The following XRCC5 variants were observed in gnomAD, a reference collection of about 807,000 sequenced individuals.
The protein encoded by XRCC5 is DNA repair protein Ku80.
In XRCC5, 12 loss-of-function variants were observed where a neutral mutation model predicts 95.7. The observed-to-expected ratio is 0.13, with a 90% CI of 0.08 to 0.20. The LOEUF is 0.20. Among genes scored for constraint, XRCC5 ranks in the 10% least tolerant of loss-of-function variants. XRCC5 has a pLI of 1.00. For missense variants in XRCC5, 595 were observed against 873.9 expected, an observed-to-expected ratio of 0.68 and a Z score of 4.02; for synonymous variants, 281 against 290.3, an observed-to-expected ratio of 0.97 and a Z score of 0.33.
At chr2:216,174,198 G>T (rs1444979985) in intron 16 of XRCC5, among the ~76,000 whole-genome samples, 1 of 151,984 alleles carries the variant, frequency 6.6e-6, no homozygotes, top group Non-Finnish European at 1.5e-5. Context: ...TCATTTGAAG[G>T]TCACCTTAAT....
chr2:216,148,761 AT>A (rs778515800), intron 14 of XRCC5, among the ~76,000 whole-genome samples: 13 of 152,140 alleles, frequency 8.5e-5, no homozygotes, highest in Non-Finnish European at 1.6e-4. Context: ...TCAGTGATGT[AT>A]TTGGTTGTGC....
chr2:216,165,677 G>C lies in XRCC5; in HGVS notation c.1834+3629G>C, dbSNP rs1164755014. On this transcript the variant is annotated intron_variant, in intron 16 of 20. Transcript: ENST00000392132. The stretch of plus-strand genomic sequence containing the variant: ...TAGAGAGATTTCTGTCCAGAGTCGG[G>C]AGACAGGAATCCCTTCCCCTTTTCT... 2.6e-5 allele frequency among the ~76,000 whole-genome samples: 4 copies of C among 152,244 alleles called. No individual in the cohort carries two copies. In the South Asian group the frequency reaches 8.3e-4, roughly 32 times the overall value.
At chr2:216,117,827 A>G (rs774451307) in intron 4 of XRCC5, 33 bp downstream of exon 4, 1 of 1,610,406 alleles carries the variant, frequency 6.2e-7, no homozygotes, top group Non-Finnish European at 8.5e-7. Flanking sequence ...CTGGAAGAGA[A>G]TCTTTTTGCA....
At chr2:216,188,170 C>A (rs1030183017) in intron 16 of XRCC5, among the ~76,000 whole-genome samples, 1 of 152,124 alleles carries the variant, frequency 6.6e-6, no homozygotes, top group African/African-American at 2.4e-5. Flanking sequence ...AATTGTGTTT[C>A]CTGCTGTGTA....
chr2:216,134,452 G>T (rs1697040751), intron 10 of XRCC5, among the ~76,000 whole-genome samples: 1 of 147,700 alleles, frequency 6.8e-6, no homozygotes, highest in South Asian at 2.2e-4. Context: ...TTGAGACGGA[G>T]TTTGGCTTTT....
At chr2:216,201,618 C>T (rs2106054635) in intron 19 of XRCC5, among the ~76,000 whole-genome samples, 1 of 152,320 alleles carries the variant, frequency 6.6e-6, no homozygotes. Context: ...AGGAATATGT[C>T]ACTCACACAC....
In XRCC5 at chr2:216,137,098, T is replaced by G. The variant is rs769926488; in HGVS notation, c.1124T>G (p.Val375Gly). 2.1e-5 allele frequency: 34 copies of G among 1,613,290 alleles called. No individual in the cohort carries two copies. In the Admixed American group the frequency reaches 5.5e-4, roughly 26 times the overall value. Residue 375 changes from valine to glycine, a missense_variant, in exon 11 of 21, where the codon GTT becomes GGT. Around this residue, in one of 2 missense-constraint regions of XRCC5, gnomAD observed 286 missense variants for 491.1 expected, o/e 0.58. Coordinates refer to ENST00000392132, the MANE Select transcript of XRCC5 (RefSeq NM_021141.4). ...FAARDDEAAA[V>G]ALSSLIHALD... Reference sequence around the variant, plus strand: ...CATCTTTCTTACCAGGCAGCTGCAGTTGCACTTTCCTCCCTGATTCATGCT... The same window carrying G: ...CATCTTTCTTACCAGGCAGCTGCAGGTGCACTTTCCTCCCTGATTCATGCT...
chr2:216,179,251 T>A (rs551035775), intron 16 of XRCC5, among the ~76,000 whole-genome samples: 1 of 152,366 alleles, frequency 6.6e-6, no homozygotes, highest in African/African-American at 2.4e-5. Context: ...TCCTTCTCTC[T>A]TAACAGGGGA....
At chr2:216,164,854 G>A (rs760110560) in intron 16 of XRCC5, among the ~76,000 whole-genome samples, 2 of 152,192 alleles carry the variant, frequency 1.3e-5, no homozygotes, top group Non-Finnish European at 2.9e-5. Context: ...TTCATGCAGA[G>A]CAGAGAAAGC....
intron 1 of XRCC5, among the ~76,000 whole-genome samples, chr2:216,111,804 C>G (rs1696595695): frequency 6.6e-6 from 1 of 152,094 alleles, no homozygotes; most frequent in Non-Finnish European, 1.5e-5. Flanking sequence ...TCATCTAGTC[C>G]AACAGTTTCC....
chr2:216,196,490 G>A (rs1348668695), intron 19 of XRCC5, among the ~76,000 whole-genome samples: 1 of 152,194 alleles, frequency 6.6e-6, no homozygotes, highest in Non-Finnish European at 1.5e-5. Flanking sequence ...AGAACCAAGA[G>A]AACGTACATG....
At chr2:216,168,096 T>G (rs1469704490) in intron 16 of XRCC5, among the ~76,000 whole-genome samples, 2 of 152,226 alleles carry the variant, frequency 1.3e-5, no homozygotes, top group Non-Finnish European at 2.9e-5. Flanking sequence ...TCAGTGTGTT[T>G]GGAATTGTAG....
intron 16 of XRCC5, chr2:216,175,581 A>G (rs1689256588): frequency 5.1e-6 from 2 of 394,732 alleles, no homozygotes; most frequent in Non-Finnish European, 9.7e-6. Context: ...GTATGGTTTC[A>G]GTCTTGCTAT....
At chr2:216,187,849 TCTCTCTC>T (rs1559261318) in intron 16 of XRCC5, among the ~76,000 whole-genome samples, 1 of 136,390 alleles carries the variant, frequency 7.3e-6, no homozygotes, top group Non-Finnish European at 1.5e-5. Context: ...TCTCTCTCTC[TCTCTCTC>T]TCTCTCCCCG....
rs1805382 is a variant in XRCC5, at chr2:216,130,868, T to C, written c.938-7T>C. On this transcript the variant is annotated splice_polypyrimidine_tract_variant and splice_region_variant and intron_variant, in intron 8 of 20. Transcript: ENST00000392132. ...TGCTTAACAGATGCTCTTCTCTTTT[T>C]CTCCAGGGTTCCGCTATGGAAGTGA... is the stretch of plus-strand genomic sequence containing the variant. The C allele has an allele frequency of 0.039, 62,649 of 1,591,762 alleles. 1,442 individuals are homozygous for C. The highest frequency in any genetic ancestry group is 0.047 in the Non-Finnish European group (54,393 of 1,167,702).
intron 10 of XRCC5, among the ~76,000 whole-genome samples, chr2:216,133,281 C>T (rs889791198): frequency 2.6e-5 from 4 of 152,190 alleles, no homozygotes; most frequent in Non-Finnish European, 4.4e-5. Context: ...TGAATCAAAT[C>T]CTGTTGGGAA....
intron 16 of XRCC5, chr2:216,175,910 A>C: frequency 2.5e-6 from 1 of 399,474 alleles, no homozygotes; most frequent in Non-Finnish European, 4.8e-6. Flanking sequence ...CAGACCACCA[A>C]TAAACAATTT....
chr2:216,112,873 C>T, intron 1 of XRCC5, 143 bp from the exon 2 acceptor site: 2 of 622,048 alleles, frequency 3.2e-6, no homozygotes, highest in South Asian at 3.8e-5. Flanking sequence ...ATGTCTTACA[C>T]ACATTCTTAT....
intron 14 of XRCC5, among the ~76,000 whole-genome samples, chr2:216,151,582 G>C (rs1405730462): frequency 6.6e-6 from 1 of 152,132 alleles, no homozygotes; most frequent in Non-Finnish European, 1.5e-5. Flanking sequence ...TCCTCTCAAA[G>C]CCTCAGTTTC....
Sources: gnomAD v4.1 joint callset for allele counts (sites outside exome capture counted in the v4.1 genomes callset) on GRCh38, gnomAD v4.1.1 for gene constraint, gnomAD v4.1.1 regional missense constraint, MANE v1.5 for transcripts, NCBI Gene and HGNC (gene_info 2026-07-23, HGNC 2026-07-21) for gene names.